IGF1R: variants seen among roughly 807,000 people sequenced by gnomAD.
The protein encoded by IGF1R is insulin like growth factor 1 receptor.
In IGF1R, 44 loss-of-function variants were observed where a neutral mutation model predicts 144.6. The ratio of observed to expected loss-of-function variants is 0.30; its 90% CI spans 0.24 to 0.39. The LOEUF is 0.39. IGF1R is among the 10% of genes least tolerant of loss of function. IGF1R has a pLI of 1.00. For synonymous variants in IGF1R, 795 were observed against 722.8 expected (o/e 1.10, Z -1.60); for missense variants, 1,355 against 1,833.7 (o/e 0.74, Z 4.77).
intron 2 of IGF1R, among the ~76,000 whole-genome samples, chr15:98,774,684 G>C (rs1055669709): frequency 3.3e-5 from 5 of 149,924 alleles, no homozygotes; most frequent in African/African-American, 9.8e-5. Flanking sequence ...GATGGCTGCG[G>C]TGGTGGGGGG....
At chr15:98,947,883 CAGG>C (rs944264029) in intron 19 of IGF1R, among the ~76,000 whole-genome samples, 4 of 152,172 alleles carry the variant, frequency 2.6e-5, no homozygotes, top group Non-Finnish European at 4.4e-5. Flanking sequence ...GGGGGAGCAG[CAGG>C]AGTTCTCTTC....
intron 2 of IGF1R, among the ~76,000 whole-genome samples, chr15:98,810,164 G>C (rs1309346234): frequency 6.6e-6 from 1 of 151,038 alleles, no homozygotes; most frequent in Non-Finnish European, 1.5e-5. Flanking sequence ...GGGGGTGGTG[G>C]GTGGTTTTCC....
chr15:98,826,250 A>T lies in IGF1R; in HGVS notation c.641-65075A>T, dbSNP rs1290375087. On this transcript the variant is annotated intron_variant, in intron 2 of 20. Transcript: ENST00000650285. Reference sequence around the variant, plus strand: ...TACGCTGAAATAATCTAAATATTTAAAAACCAAACTAACGGTAGGACTTTC... The same window carrying T: ...TACGCTGAAATAATCTAAATATTTATAAACCAAACTAACGGTAGGACTTTC... Among the ~76,000 whole-genome samples the T allele has an allele frequency of 1.3e-5, 2 of 152,250 alleles. 1 individual carries two copies. Among genetic ancestry groups the T allele is most frequent in the Non-Finnish European group, 2.9e-5 (2 of 68,048 alleles).
intron 2 of IGF1R, among the ~76,000 whole-genome samples, chr15:98,832,897 T>C (rs1214178931): frequency 6.6e-6 from 1 of 152,250 alleles, no homozygotes; most frequent in Non-Finnish European, 1.5e-5. Flanking sequence ...GTTACCAGCT[T>C]AATTGCTTTA....
intron 2 of IGF1R, chr15:98,890,895 A>T (rs543344791): frequency 5.6e-5 from 15 of 266,890 alleles, no homozygotes; most frequent in South Asian, 2.5e-4. Context: ...TTCAGTAAGG[A>T]ACATATTTGA....
chr15:98,680,164 T>C (rs183240818), intron 1 of IGF1R, among the ~76,000 whole-genome samples: 1 of 152,302 alleles, frequency 6.6e-6, no homozygotes, highest in East Asian at 1.9e-4. Context: ...TGTACAGTAA[T>C]GTCCTCAGCC....
chr15:98,894,056 A>G (rs1357777623), intron 3 of IGF1R, among the ~76,000 whole-genome samples: 1 of 152,176 alleles, frequency 6.6e-6, no homozygotes. Context: ...TTTACCAAAG[A>G]TGATTGGTTC....
At chr15:98,920,795 A>G (rs1018169821) in intron 10 of IGF1R, among the ~76,000 whole-genome samples, 3 of 152,110 alleles carry the variant, frequency 2.0e-5, no homozygotes, top group Admixed American at 6.5e-5. Flanking sequence ...CCCGTGTGCC[A>G]CTACACAAAG....
At chr15:98,869,488 G>A (rs2012665423) in intron 2 of IGF1R, among the ~76,000 whole-genome samples, 1 of 149,572 alleles carries the variant, frequency 6.7e-6, no homozygotes, top group African/African-American at 2.5e-5. Context: ...AGGCTGGAGT[G>A]CAATGGCACG....
At chr15:98,817,859 A>G (rs1319461410) in intron 2 of IGF1R, among the ~76,000 whole-genome samples, 2 of 152,006 alleles carry the variant, frequency 1.3e-5, no homozygotes, top group Non-Finnish European at 2.9e-5. Flanking sequence ...CCCCAGCCCT[A>G]CTTTCCCAGT....
chr15:98,963,238 C>A lies in IGF1R; in HGVS notation c.*5796C>A, dbSNP rs1469390228. 2 of 224,554 alleles carry A rather than the reference C, an allele frequency of 8.9e-6. No individual in the cohort carries two copies. Among genetic ancestry groups the A allele is most frequent in the Non-Finnish European group, 8.6e-6 (1 of 116,210 alleles). 13.9% of individuals were successfully genotyped at this position (224,554 alleles called of 1,614,324 possible). ...ATTTTTTTTTTTTTTTTTTAGGACACCTGTTTACTAGCTAGCTTTACAATA... is the reference window on the plus strand; with the variant it reads ...ATTTTTTTTTTTTTTTTTTAGGACAACTGTTTACTAGCTAGCTTTACAATA... On this transcript the variant is annotated 3_prime_UTR_variant, in exon 21 of 21. Transcript: ENST00000650285.
chr15:98,867,157 GAGA>G (rs1567168725), intron 2 of IGF1R, among the ~76,000 whole-genome samples: 3 of 61,388 alleles, frequency 4.9e-5, no homozygotes, highest in Admixed American at 2.6e-4. Flanking sequence ...GAAAGGGGGA[GAGA>G]GAGAGAGAGA....
intron 2 of IGF1R, among the ~76,000 whole-genome samples, chr15:98,738,029 G>A (rs1052583451): frequency 2.0e-5 from 3 of 152,308 alleles, no homozygotes; most frequent in Admixed American, 6.5e-5. Context: ...GGCTGTTTCC[G>A]CTGGGTGCGG....
Position 98,959,455 on chromosome 15 carries a change from C to T in IGF1R, c.*2013C>T, listed in dbSNP as rs1433952500. 3 of 233,632 alleles carry T rather than the reference C, an allele frequency of 1.3e-5. No individual in the cohort carries two copies. Among genetic ancestry groups the T allele is most frequent in the East Asian group, 6.0e-5 (1 of 16,600 alleles). 14.5% of individuals were successfully genotyped at this position (233,632 alleles called of 1,614,324 possible). On this transcript the variant is annotated 3_prime_UTR_variant, in exon 21 of 21. Coordinates refer to ENST00000650285, the MANE Select transcript of IGF1R (RefSeq NM_000875.5). ...TTCGCACTGGCGTTGAGTGGGACCC[C>T]GGGATCCAGGCTGGCCCAGGGCGGC... is the stretch of plus-strand genomic sequence containing the variant.
chr15:98,735,994 C>G (rs1350880011), intron 2 of IGF1R, among the ~76,000 whole-genome samples: 1 of 152,218 alleles, frequency 6.6e-6, no homozygotes, highest in Non-Finnish European at 1.5e-5. Context: ...TTTGGGATCA[C>G]TCACCAATAT....
At chr15:98,920,493 G>C (rs1355268948) in intron 10 of IGF1R, among the ~76,000 whole-genome samples, 2 of 152,238 alleles carry the variant, frequency 1.3e-5, no homozygotes, top group Non-Finnish European at 2.9e-5. Flanking sequence ...ACTTCTGACA[G>C]ACACAAGTGT....
chr15:98,831,990 A>AG (rs915572152), intron 2 of IGF1R, among the ~76,000 whole-genome samples: 2 of 152,204 alleles, frequency 1.3e-5, no homozygotes, highest in South Asian at 2.1e-4. Context: ...AGGATGAGGA[A>AG]GGGGGGTCAG....
chr15:98,668,692 ACT>A (rs1004390065), intron 1 of IGF1R, among the ~76,000 whole-genome samples: 1 of 152,088 alleles, frequency 6.6e-6, no homozygotes, highest in Non-Finnish European at 1.5e-5. Flanking sequence ...CTTAAATTTC[ACT>A]CTCTGAAAAC....
At chr15:98,677,529 G>A (rs2053078629) in intron 1 of IGF1R, among the ~76,000 whole-genome samples, 2 of 152,174 alleles carry the variant, frequency 1.3e-5, no homozygotes, top group South Asian at 2.1e-4. Flanking sequence ...TAGGCCGACA[G>A]GGGCTGACTT....
Sources: gnomAD v4.1 joint callset for allele counts (sites outside exome capture counted in the v4.1 genomes callset) on GRCh38, gnomAD v4.1.1 for gene constraint, MANE v1.5 for transcripts, NCBI Gene and HGNC (gene_info 2026-07-23, HGNC 2026-07-21) for gene names.